Variants in NFKB1 observed in about 807,000 individuals in gnomAD.
NFKB1 encodes the protein nuclear factor NF-kappa-B p105 subunit.
NFKB1 carries 9 observed loss-of-function variants against 105.1 expected under a neutral mutation model. The observed-to-expected ratio is 0.09, with a 90% CI of 0.05 to 0.15. The LOEUF (loss-of-function observed/expected upper bound fraction) is 0.15, where lower values mean the gene tolerates loss of function less well. Among genes scored for constraint, NFKB1 ranks in the 10% least tolerant of loss-of-function variants. NFKB1 has a pLI of 1.00. For synonymous variants in NFKB1, 440 were observed against 442.2 expected, an observed-to-expected ratio of 1.00 and a Z score of 0.06; for missense variants, 830 against 1,203.7, an observed-to-expected ratio of 0.69 and a Z score of 4.59.
chr4:102,583,223 C>T (rs1366003589), intron 10 of NFKB1, among the ~76,000 whole-genome samples: 1 of 152,174 alleles, frequency 6.6e-6, no homozygotes, highest in East Asian at 1.9e-4. Flanking sequence ...TGGACTTAAG[C>T]GATTATCCCA....
At position 102,593,383 on chromosome 4, in the gene NFKB1, A is replaced by T. The variant is rs755922969; in HGVS notation, c.1067-42A>T. 6 of 1,580,350 alleles carry T rather than the reference A, an allele frequency of 3.8e-6. No homozygotes were observed. The African/African-American group carries it at 6.8e-5, about 18-fold the overall frequency. ...CTTTCTGTGGCTAGTGGTGGGACCAAATCAATCTTTTCTCCTCTGGTTTCT... is the reference window on the plus strand; with the variant it reads ...CTTTCTGTGGCTAGTGGTGGGACCATATCAATCTTTTCTCCTCTGGTTTCT... On this transcript the variant is annotated intron_variant, in intron 11 of 23. Transcript: ENST00000226574.
chr4:102,571,932 C>T (rs1230566510), intron 6 of NFKB1, among the ~76,000 whole-genome samples: 1 of 152,178 alleles, frequency 6.6e-6, no homozygotes. Flanking sequence ...GTGGCGATTC[C>T]TCAAGGATCT....
chr4:102,526,023 T>G (rs1000325976), intron 2 of NFKB1, among the ~76,000 whole-genome samples: 4 of 152,268 alleles, frequency 2.6e-5, no homozygotes, highest in African/African-American at 9.6e-5. Flanking sequence ...CTCCAATCTC[T>G]TCCTCCATTG....
In NFKB1 at chr4:102,511,005, A is replaced by C. The variant is rs889866376; in HGVS notation, c.-8+9217A>C. 10 of 1,223,790 alleles carry C rather than the reference A, an allele frequency of 8.2e-6. No homozygotes were observed. The African/African-American group carries it at 1.4e-4, about 17-fold the overall frequency. 75.8% of individuals were successfully genotyped at this position (1,223,790 alleles called of 1,614,324 possible). A position where few individuals can be genotyped will look rare whatever the true frequency, so the allele number is the denominator to read the frequency against. On this transcript the variant is annotated intron_variant, in intron 1 of 23. Coordinates refer to ENST00000226574, the MANE Select transcript of NFKB1 (RefSeq NM_003998.4). ...GTCAGCCTTTAAAAAGCAGGATTGG[A>C]GATGAGGAGGGGTGGAGTAGGGGAA...
Position 102,613,425 on chromosome 4 carries a change from G to A in NFKB1, c.2593G>A (p.Val865Ile), listed in dbSNP as rs770564763. The A allele has an allele frequency of 9.3e-6, 15 of 1,613,608 alleles. No individual in the cohort carries two copies. Among genetic ancestry groups the A allele is most frequent in the Non-Finnish European group, 1.2e-5 (14 of 1,179,824 alleles). The change falls in exon 23 of 24, where the codon GTC becomes ATC. Residue 865 changes from valine (V) to isoleucine (I), a missense_variant and splice_region_variant. Val to Ile is a conservative substitution (Grantham distance 29). This residue lies in a region of NFKB1 where 418 missense variants were observed against 575.3 expected (regional missense o/e 0.73). Coordinates refer to ENST00000226574, the MANE Select transcript of NFKB1 (RefSeq NM_003998.4). ...CTCCTCCTTCCTTTCTTTCTCACAGGTCTCTGGGGGTACAGTCAGAGAGCT... is the reference window on the plus strand; with the variant it reads ...CTCCTCCTTCCTTTCTTTCTCACAGATCTCTGGGGGTACAGTCAGAGAGCT... ...PSKTLMDNYE[V>I]SGGTVRELVE... is the part of the protein sequence containing the mutation.
intron 2 of NFKB1, among the ~76,000 whole-genome samples, chr4:102,527,934 G>A (rs1024490034): frequency 2.0e-5 from 3 of 152,082 alleles, no homozygotes; most frequent in Non-Finnish European, 4.4e-5. Context: ...GCATCTTTGC[G>A]ATCATCAGTA....
At chr4:102,521,973 C>T (rs924131612) in intron 1 of NFKB1, among the ~76,000 whole-genome samples, 1 of 152,184 alleles carries the variant, frequency 6.6e-6, no homozygotes, top group Non-Finnish European at 1.5e-5. Context: ...AGAAACCTCA[C>T]TACTGGGAAA....
chr4:102,529,403 A>G (rs1741131537), intron 2 of NFKB1, among the ~76,000 whole-genome samples: 1 of 152,164 alleles, frequency 6.6e-6, no homozygotes, highest in African/African-American at 2.4e-5. Flanking sequence ...GGGTATATTT[A>G]CCACCATAGA....
chr4:102,541,623 G>C (rs987464307), intron 5 of NFKB1, among the ~76,000 whole-genome samples: 3 of 152,174 alleles, frequency 2.0e-5, no homozygotes, highest in Non-Finnish European at 4.4e-5. Context: ...AGGGTCTATG[G>C]AATGATGCTT....
At chr4:102,546,708 T>C (rs1222391541) in intron 5 of NFKB1, among the ~76,000 whole-genome samples, 3 of 152,166 alleles carry the variant, frequency 2.0e-5, no homozygotes, top group Non-Finnish European at 4.4e-5. Context: ...AGATAAGGCC[T>C]TGGGCCTTTC....
At chr4:102,614,943 C>G (rs987824605) in intron 23 of NFKB1, among the ~76,000 whole-genome samples, 2 of 152,132 alleles carry the variant, frequency 1.3e-5, no homozygotes, top group Non-Finnish European at 2.9e-5. Flanking sequence ...CTTTCTGCCA[C>G]TAATCACTTC....
chr4:102,569,141 C>T (rs186211703), intron 6 of NFKB1, among the ~76,000 whole-genome samples: 43 of 152,192 alleles, frequency 2.8e-4, no homozygotes, highest in Admixed American at 2.4e-3. Context: ...TTGTTTCTAT[C>T]TCTCTCTATA....
intron 1 of NFKB1, among the ~76,000 whole-genome samples, chr4:102,523,153 C>A (rs1740676126): frequency 6.6e-6 from 1 of 152,058 alleles, no homozygotes; most frequent in Non-Finnish European, 1.5e-5. Flanking sequence ...AGTTAATATC[C>A]AAGATCACAC....
At chr4:102,557,011 G>A (rs1723035656) in intron 5 of NFKB1, 1 of 152,172 alleles carries the variant, frequency 6.6e-6, no homozygotes, top group Non-Finnish European at 1.5e-5. Context: ...AACATTAAGG[G>A]TAAAAACAGA....
At chr4:102,600,641 A>G (rs1727066382) in intron 15 of NFKB1, among the ~76,000 whole-genome samples, 1 of 152,126 alleles carries the variant, frequency 6.6e-6, no homozygotes, top group Non-Finnish European at 1.5e-5. Context: ...AGGGGTCAAG[A>G]CCTGAATGCT....
At position 102,582,806 on chromosome 4, in the gene NFKB1, A is replaced by G. The variant is rs1469991780; in HGVS notation, c.836-60A>G. The stretch of plus-strand genomic sequence containing the variant: ...TATTAAACCAGTTTTATTTTTCAGC[A>G]TGTTTATAAATACTATTTACACTAT... On this transcript the variant is annotated intron_variant, in intron 9 of 23. Transcript: ENST00000226574. 30 of 1,087,840 alleles carry G rather than the reference A, an allele frequency of 2.8e-5. No individual in the cohort carries two copies. In the South Asian group the frequency reaches 4.1e-4, roughly 15 times the overall value. The allele number at this position is 1,087,840 out of a possible 1,614,324, so 67.4% of individuals were successfully genotyped here.
At chr4:102,576,459 G>A (rs112274019) in intron 6 of NFKB1, among the ~76,000 whole-genome samples, 5 of 152,180 alleles carry the variant, frequency 3.3e-5, no homozygotes, top group African/African-American at 1.2e-4. Flanking sequence ...TCCCACTCCC[G>A]TAATCAAATT....
At chr4:102,608,791 A>G (rs1309844422) in intron 19 of NFKB1, among the ~76,000 whole-genome samples, 3 of 152,152 alleles carry the variant, frequency 2.0e-5, no homozygotes, top group Non-Finnish European at 2.9e-5. Context: ...TTCTTGAACA[A>G]GAAACTCTGA....
At chr4:102,572,600 C>T (rs1446894823) in intron 6 of NFKB1, among the ~76,000 whole-genome samples, 1 of 152,232 alleles carries the variant, frequency 6.6e-6, no homozygotes, top group Non-Finnish European at 1.5e-5. Flanking sequence ...CTCTTCTCCA[C>T]AGCCGTGCCA....
Sources: allele counts gnomAD v4.1 joint callset (sites outside exome capture counted in the v4.1 genomes callset), GRCh38; gene constraint gnomAD v4.1.1; regional missense constraint gnomAD v4.1.1; transcripts MANE v1.5; gene names NCBI Gene and HGNC (gene_info 2026-07-23, HGNC 2026-07-21).